The following MNS1 variants were observed in gnomAD, a reference collection of about 807,000 sequenced individuals.
MNS1 encodes meiosis-specific nuclear structural protein 1.
MNS1 carries 63 observed loss-of-function variants against 72.0 expected under a neutral mutation model. That is an observed-to-expected ratio of 0.87 (90% CI 0.71 to 1.08). The LOEUF is 1.08. Ranked by LOEUF, MNS1 falls within the 50% of genes least tolerant of loss-of-function variation. MNS1 has a pLI of 0.00. For synonymous variants in MNS1, 188 were observed against 172.1 expected, an observed-to-expected ratio of 1.09 and a Z score of -0.72; for missense variants, 604 against 562.4, an observed-to-expected ratio of 1.07 and a Z score of -0.75.
At position 56,460,009 on chromosome 15, in the gene MNS1, A is replaced by AAAAAAAAATATAT; in HGVS notation, c.226-3489_226-3488insATATATTTTTTTT. 1.0e-3 allele frequency among the ~76,000 whole-genome samples: 27 copies of AAAAAAAAATATAT among 26,382 alleles called. 5 individuals carry two copies. The highest frequency in any genetic ancestry group is 2.3e-3 in the African/African-American group (15 of 6,654). 17.3% of individuals were successfully genotyped at this position (26,382 alleles called of 152,430 possible). On this transcript the variant is annotated intron_variant, in intron 2 of 9. Transcript: ENST00000260453. Reference sequence around the variant, plus strand: ...CTGTCTCAAAAAAAAAAAAAAAAAAAATACATATATATATATATATATATA... The same window carrying AAAAAAAAATATAT: ...CTGTCTCAAAAAAAAAAAAAAAAAAAAAAAAAAATATATATACATATATATATATATATATATA...
intron 9 of MNS1, 27 bp downstream of exon 9, chr15:56,431,346 T>C: frequency 6.2e-7 from 1 of 1,606,984 alleles, no homozygotes; most frequent in Non-Finnish European, 8.5e-7. Flanking sequence ...GTCATGAAGA[T>C]TACAACTTGA....
At chr15:56,435,376 A>G (rs1267792623) in intron 7 of MNS1, among the ~76,000 whole-genome samples, 1 of 152,016 alleles carries the variant, frequency 6.6e-6, no homozygotes, top group African/African-American at 2.4e-5. Flanking sequence ...GGTGAAACAA[A>G]AGGCTGGTTC....
chr15:56,432,848 T>G (rs1596252053), intron 8 of MNS1, among the ~76,000 whole-genome samples: 1 of 152,280 alleles, frequency 6.6e-6, no homozygotes, highest in East Asian at 1.9e-4. Flanking sequence ...GACTCCTACT[T>G]TGTATAGTTT....
chr15:56,445,377 T>C lies in MNS1; in HGVS notation c.457-704A>G, dbSNP rs1316584314. ...AATAAAATAAGTTTTAAATGAAATA[T>C]ACTGAGGCAATTTTTTAAACTACGC... is the stretch of plus-strand genomic sequence containing the variant. On this transcript the variant is annotated intron_variant, in intron 4 of 9. Coordinates refer to ENST00000260453, the MANE Select transcript of MNS1 (RefSeq NM_018365.4). 1.3e-5 allele frequency among the ~76,000 whole-genome samples: 2 copies of C among 152,016 alleles called. 1 individual carries two copies. Among genetic ancestry groups the C allele is most frequent in the East Asian group, 3.8e-4 (2 of 5,196 alleles).
intron 2 of MNS1, among the ~76,000 whole-genome samples, chr15:56,458,600 C>A (rs904479343): frequency 6.6e-6 from 1 of 152,108 alleles, no homozygotes; most frequent in Non-Finnish European, 1.5e-5. Context: ...CCTCTGTGAT[C>A]TGTCTATTCA....
intron 3 of MNS1, among the ~76,000 whole-genome samples, chr15:56,454,575 C>G (rs2050969322): frequency 6.6e-6 from 1 of 151,950 alleles, no homozygotes; most frequent in Non-Finnish European, 1.5e-5. Context: ...GTTCTGGCTG[C>G]TTTTTTATGA....
chr15:56,461,874 G>C (rs1323363993), intron 2 of MNS1, among the ~76,000 whole-genome samples: 1 of 150,728 alleles, frequency 6.6e-6, no homozygotes, highest in African/African-American at 2.4e-5. Flanking sequence ...GACACCAATG[G>C]AAGAAAATAG....
chr15:56,457,065 A>G (rs1342936759), intron 2 of MNS1, among the ~76,000 whole-genome samples: 1 of 152,208 alleles, frequency 6.6e-6, no homozygotes, highest in Non-Finnish European at 1.5e-5. Context: ...AATCCAAACA[A>G]GATCCACATA....
intron 7 of MNS1, among the ~76,000 whole-genome samples, chr15:56,441,385 G>T (rs1164032269): frequency 6.6e-6 from 1 of 152,054 alleles, no homozygotes; most frequent in Non-Finnish European, 1.5e-5. Flanking sequence ...TTCTCTAAAT[G>T]TCAGGTCAAG....
intron 3 of MNS1, among the ~76,000 whole-genome samples, chr15:56,454,858 C>T (rs1249203675): frequency 1.3e-5 from 2 of 152,130 alleles, no homozygotes; most frequent in Admixed American, 6.5e-5. Flanking sequence ...AACCTTTTCA[C>T]AGATTATCCC....
chr15:56,437,944 C>T (rs1171628989), intron 7 of MNS1, among the ~76,000 whole-genome samples: 1 of 152,076 alleles, frequency 6.6e-6, no homozygotes, highest in African/African-American at 2.4e-5. Context: ...AACTGCAAAC[C>T]ACTGCTCAAC....
At chr15:56,446,294 A>G (rs1285967920) in intron 4 of MNS1, among the ~76,000 whole-genome samples, 10 of 151,970 alleles carry the variant, frequency 6.6e-5, no homozygotes, top group African/African-American at 2.4e-4. Context: ...AGTAAACCCT[A>G]TTATATATTC....
At chr15:56,460,005 A>ATATATATATATATATATAT (rs1374166252) in intron 2 of MNS1, among the ~76,000 whole-genome samples, 9 of 30,508 alleles carry the variant, frequency 3.0e-4, no homozygotes, top group African/African-American at 1.1e-3. Flanking sequence ...AAAAAAAAAA[A>ATATATATATATATATATAT]AAAAATACAT....
Position 56,456,391 on chromosome 15 carries a change from T to C in MNS1, c.353+3A>G, listed in dbSNP as rs773072033. 9.4e-6 allele frequency: 15 copies of C among 1,600,920 alleles called. No individual in the cohort carries two copies. The highest frequency in any genetic ancestry group is 5.7e-5 in the South Asian group (5 of 87,630). On this transcript the variant is annotated splice_donor_region_variant and intron_variant, in intron 3 of 9. Coordinates refer to ENST00000260453, the MANE Select transcript of MNS1 (RefSeq NM_018365.4). ...TAAATGAAATTTAGAGAAACCAAGA[T>C]ACCTGTTTTCTCTTACTTGTTGCCT...
At chr15:56,454,153 G>T (rs913963693) in intron 3 of MNS1, among the ~76,000 whole-genome samples, 1 of 152,082 alleles carries the variant, frequency 6.6e-6, no homozygotes, top group Admixed American at 6.5e-5. Context: ...TTTTCACAAG[G>T]TATAAAATTC....
At chr15:56,431,748 T>G (rs556575750) in intron 8 of MNS1, among the ~76,000 whole-genome samples, 1 of 152,148 alleles carries the variant, frequency 6.6e-6, no homozygotes, top group South Asian at 2.1e-4. Flanking sequence ...GGAAAGTGTC[T>G]TCATTACCAA....
At chr15:56,461,829 A>G (rs2051023585) in intron 2 of MNS1, among the ~76,000 whole-genome samples, 1 of 152,024 alleles carries the variant, frequency 6.6e-6, no homozygotes, top group Admixed American at 6.6e-5. Context: ...AAAACTAAAT[A>G]AAACAAAAAT....
intron 3 of MNS1, among the ~76,000 whole-genome samples, chr15:56,448,709 C>A (rs1020812997): frequency 6.8e-6 from 1 of 146,192 alleles, no homozygotes; most frequent in African/African-American, 2.5e-5. Flanking sequence ...AATGCATATG[C>A]TTTTTTTGGT....
rs1446905517 is a variant in MNS1 at position 56,443,714 on chromosome 15, A to G, written c.827T>C (p.Met276Thr). ...CCGATCTTCTTCTCTTTGCTGCTGCATGTTAGCAAACTCTATGATTTTTCT... is the reference window on the plus strand; with the variant it reads ...CCGATCTTCTTCTCTTTGCTGCTGCGTGTTAGCAAACTCTATGATTTTTCT... Reference protein sequence around the residue: ...ENRKIIEFANMQQQREEDRMA... With the variant: ...ENRKIIEFANTQQQREEDRMA... The change falls in exon 6 of 10, where the codon ATG (methionine) becomes ACG (threonine). Residue 276 changes from methionine (M) to threonine (T), a missense_variant. By Grantham distance (81) the Met-to-Thr change is moderately conservative. Coordinates refer to ENST00000260453, the MANE Select transcript of MNS1 (RefSeq NM_018365.4). 3.1e-6 allele frequency: 5 copies of G among 1,613,142 alleles called. No individual in the cohort carries two copies. The highest frequency in any genetic ancestry group is 4.2e-6 in the Non-Finnish European group (5 of 1,179,688).
Sources: gnomAD v4.1 joint callset for allele counts (sites outside exome capture counted in the v4.1 genomes callset) on GRCh38, gnomAD v4.1.1 for gene constraint, MANE v1.5 for transcripts, NCBI Gene and HGNC (gene_info 2026-07-23, HGNC 2026-07-21) for gene names.